Variants in DAGLA observed in about 807,000 individuals in gnomAD.
DAGLA encodes the protein diacylglycerol lipase alpha, also known as diacylglycerol lipase-alpha.
DAGLA carries 22 observed loss-of-function variants against 102.6 expected under a neutral mutation model. That is an observed-to-expected ratio of 0.21 (90% CI 0.15 to 0.31). DAGLA has a LOEUF of 0.31. DAGLA is among the 10% of genes least tolerant of loss of function. The probability of loss-of-function intolerance (pLI) is 1.00; values close to 1 mark genes in which losing one functional copy is unlikely to be tolerated. For missense variants in DAGLA, 927 were observed against 1,446.6 expected (o/e 0.64, Z 5.83); for synonymous variants, 578 against 628.9 (o/e 0.92, Z 1.21).
Position 61,734,900 on chromosome 11 carries a change from G to A in DAGLA, c.1026G>A (p.Glu342=), listed in dbSNP as rs2065410492. 2 of 1,614,116 alleles carry A rather than the reference G, an allele frequency of 1.2e-6. No individual in the cohort carries two copies. Among genetic ancestry groups the A allele is most frequent in the Non-Finnish European group, 1.7e-6 (2 of 1,179,960 alleles). The part of the protein sequence containing the change: ...RPRFAPGVTI[E]EDNCCGCNAI... ...GGTTCGCCCCTGGAGTCACCATCGA[G>A]GAAGACAACTGCTGTGGCTGTAATG... Residue 342 remains glutamate, a synonymous_variant, in exon 10 of 20, where the codon GAG becomes GAA. Coordinates refer to ENST00000257215, the MANE Select transcript of DAGLA (RefSeq NM_006133.3). This position sits in a 1 kb window ranked among gnomAD's most constrained non-coding sequence, Gnocchi z 4.2.
At chr11:61,683,989 C>T (rs903278237) in intron 1 of DAGLA, among the ~76,000 whole-genome samples, 1 of 152,244 alleles carries the variant, frequency 6.6e-6, no homozygotes, top group African/African-American at 2.4e-5. Context: ...CCTGGCAATT[C>T]CTCAGCTGCC....
At chr11:61,738,439 CT>C (rs1426868528) in intron 16 of DAGLA, among the ~76,000 whole-genome samples, 1 of 152,194 alleles carries the variant, frequency 6.6e-6, no homozygotes, top group Admixed American at 6.5e-5. Context: ...GTGGGAGGGA[CT>C]TGCATTTGCT....
At chr11:61,743,407 T>A in intron 19 of DAGLA, 125 bp from the exon 20 acceptor site, 6 of 575,790 alleles carry the variant, frequency 1.0e-5, no homozygotes, top group Non-Finnish European at 1.8e-5. Context: ...CTGCTGCACA[T>A]CATCAACAAC....
chr11:61,732,557 G>A (rs1416778223), intron 9 of DAGLA, among the ~76,000 whole-genome samples: 2 of 152,224 alleles, frequency 1.3e-5, no homozygotes, highest in East Asian at 3.8e-4. Context: ...CCTGCCCATA[G>A]GGTGTTTCAG....
At chr11:61,709,914 A>T (rs2065179692) in intron 1 of DAGLA, among the ~76,000 whole-genome samples, 1 of 152,074 alleles carries the variant, frequency 6.6e-6, no homozygotes, top group Non-Finnish European at 1.5e-5. Flanking sequence ...TGGCCCACGA[A>T]GCCTCCCCAC....
At chr11:61,742,008 ATTATTAG>A (rs2065484712) in intron 19 of DAGLA, among the ~76,000 whole-genome samples, 1 of 152,234 alleles carries the variant, frequency 6.6e-6, no homozygotes, top group South Asian at 2.1e-4. Flanking sequence ...TGTGCACACA[ATTATTAG>A]TTATAAGTAC....
chr11:61,684,076 C>G lies in DAGLA; in HGVS notation c.-45+3572C>G, dbSNP rs72918042. Among the ~76,000 whole-genome samples, 20,201 of 152,230 alleles carry G rather than the reference C, an allele frequency of 0.13. 1,520 individuals carry two copies. Among genetic ancestry groups the G allele is most frequent in the East Asian group, 0.27 (1,381 of 5,160 alleles). ...GCATCTGTGGCCAGAGGATGCTGGACCAGAGCTGACAGCAGCGGGCCAGAA... is the reference window on the plus strand; with the variant it reads ...GCATCTGTGGCCAGAGGATGCTGGAGCAGAGCTGACAGCAGCGGGCCAGAA... On this transcript the variant is annotated intron_variant, in intron 1 of 19. Transcript: ENST00000257215. This position sits in a 1 kb window ranked among gnomAD's most constrained non-coding sequence, Gnocchi z 4.5.
At chr11:61,693,700 G>C (rs564132325) in intron 1 of DAGLA, among the ~76,000 whole-genome samples, 1 of 152,270 alleles carries the variant, frequency 6.6e-6, no homozygotes, top group South Asian at 2.1e-4. Flanking sequence ...TGGGGTCCCC[G>C]GTCACAGTGC....
chr11:61,699,491 C>T (rs1323505902), intron 1 of DAGLA, among the ~76,000 whole-genome samples: 1 of 152,238 alleles, frequency 6.6e-6, no homozygotes, highest in African/African-American at 2.4e-5. Flanking sequence ...ACATGGGCCT[C>T]ATCCCATTTA....
intron 5 of DAGLA, among the ~76,000 whole-genome samples, chr11:61,725,165 C>T (rs1429406771): frequency 6.6e-6 from 1 of 152,198 alleles, no homozygotes; most frequent in Admixed American, 6.5e-5. Flanking sequence ...AAGCTAGCCC[C>T]TTCTTGCTCG....
chr11:61,688,641 G>A (rs1205497498), intron 1 of DAGLA, among the ~76,000 whole-genome samples: 1 of 152,208 alleles, frequency 6.6e-6, no homozygotes, highest in Non-Finnish European at 1.5e-5. Context: ...TGGAAGTGCA[G>A]GGGGCCCGTG....
At chr11:61,709,336 C>G (rs543790233) in intron 1 of DAGLA, among the ~76,000 whole-genome samples, 1 of 152,292 alleles carries the variant, frequency 6.6e-6, no homozygotes, top group East Asian at 1.9e-4. Flanking sequence ...CCTCCACCTC[C>G]CGGTTCAAGC....
intron 1 of DAGLA, among the ~76,000 whole-genome samples, chr11:61,705,634 A>G (rs984345497): frequency 6.6e-6 from 1 of 152,156 alleles, no homozygotes; most frequent in African/African-American, 2.4e-5. Flanking sequence ...GTTCACTTGA[A>G]GTTTCTTTCC....
chr11:61,733,639 G>A (rs547183354), intron 9 of DAGLA, among the ~76,000 whole-genome samples: 5 of 152,302 alleles, frequency 3.3e-5, no homozygotes, highest in African/African-American at 1.2e-4. Flanking sequence ...CACCTAGCTG[G>A]GTGCCCAGCT....
chr11:61,685,043 C>T (rs2064976199), intron 1 of DAGLA, among the ~76,000 whole-genome samples: 1 of 152,132 alleles, frequency 6.6e-6, no homozygotes, highest in Admixed American at 6.5e-5. Flanking sequence ...CACACGCCTG[C>T]TTCCATGCTC....
At chr11:61,715,630 G>A (rs1367657081) in intron 1 of DAGLA, among the ~76,000 whole-genome samples, 9 of 152,246 alleles carry the variant, frequency 5.9e-5, no homozygotes, top group Non-Finnish European at 1.3e-4. Context: ...GAGCACTCAT[G>A]GTGGGGGCAG....
chr11:61,712,019 A>T (rs1284222540), intron 1 of DAGLA, among the ~76,000 whole-genome samples: 5 of 152,232 alleles, frequency 3.3e-5, no homozygotes, highest in African/African-American at 4.8e-5. Flanking sequence ...TTTTAAATAA[A>T]CACGATCGAG....
chr11:61,737,626 A>C, intron 14 of DAGLA, 61 bp from the exon 15 acceptor site: 2 of 1,501,598 alleles, frequency 1.3e-6, no homozygotes, highest in South Asian at 2.3e-5. Flanking sequence ...GGGCCCCCCG[A>C]TTCCGGAACA....
At chr11:61,688,692 C>G (rs2065003679) in intron 1 of DAGLA, among the ~76,000 whole-genome samples, 2 of 152,238 alleles carry the variant, frequency 1.3e-5, no homozygotes, top group African/African-American at 4.8e-5. Context: ...CTCCCACATG[C>G]AGCCTAACTA....
Sources: gnomAD v4.1 joint callset for allele counts (sites outside exome capture counted in the v4.1 genomes callset) on GRCh38, gnomAD v4.1.1 for gene constraint, Gnocchi (gnomAD v3.1) non-coding constraint, MANE v1.5 for transcripts, NCBI Gene and HGNC (gene_info 2026-07-23, HGNC 2026-07-21) for gene names.